ESR1: variants seen among roughly 807,000 people sequenced by gnomAD.
ESR1 encodes the protein estrogen receptor.
A neutral mutation model predicts 52.7 loss-of-function variants in ESR1; 12 were observed. The observed-to-expected ratio is 0.23, with a 90% CI of 0.15 to 0.37. ESR1 has a LOEUF of 0.37. Ranked by LOEUF, ESR1 falls within the 10% of genes least tolerant of loss-of-function variation. ESR1 has a pLI of 1.00. For missense variants in ESR1, 584 were observed against 779.7 expected, an observed-to-expected ratio of 0.75 and a Z score of 2.99; for synonymous variants, 305 against 316.8, an observed-to-expected ratio of 0.96 and a Z score of 0.39.
intron 2 of ESR1, among the ~76,000 whole-genome samples, chr6:151,798,929 A>G (rs1776964612): frequency 6.6e-6 from 1 of 152,218 alleles, no homozygotes; most frequent in African/African-American, 2.4e-5. Flanking sequence ...AAAACAAATT[A>G]TGTCTCTGAA....
At chr6:151,681,744 GC>G (rs923129967) in intron 1 of ESR1, among the ~76,000 whole-genome samples, 3 of 152,134 alleles carry the variant, frequency 2.0e-5, no homozygotes, top group African/African-American at 7.2e-5. Context: ...GGATCCGGTC[GC>G]TTTGTGGGTT....
chr6:151,861,080 G>T (rs1788798326), intron 2 of ESR1, among the ~76,000 whole-genome samples: 1 of 152,084 alleles, frequency 6.6e-6, no homozygotes, highest in African/African-American at 2.4e-5. Context: ...TATTTAGTTT[G>T]CACAGTATGG....
intron 2 of ESR1, among the ~76,000 whole-genome samples, chr6:151,786,151 A>G (rs570868059): frequency 8.8e-4 from 134 of 152,286 alleles, no homozygotes; most frequent in African/African-American, 3.0e-3. Flanking sequence ...CCTGACTTTG[A>G]CATAATTTTA....
intron 4 of ESR1, among the ~76,000 whole-genome samples, chr6:151,958,993 T>TGTGTGTGTGTGTGC (rs1437735036): frequency 5.9e-5 from 9 of 151,896 alleles, no homozygotes; most frequent in Admixed American, 3.3e-4. Flanking sequence ...TGTGTGTGTG[T>TGTGTGTGTGTGTGC]GCGTGTGTGT....
intron 4 of ESR1, among the ~76,000 whole-genome samples, chr6:152,005,621 T>C (rs1271619215): frequency 2.0e-5 from 3 of 152,072 alleles, no homozygotes; most frequent in African/African-American, 7.2e-5. Flanking sequence ...TACCATGGCT[T>C]TCTGGGACAT....
At chr6:151,910,430 T>G (rs534499836) in intron 3 of ESR1, among the ~76,000 whole-genome samples, 3 of 152,290 alleles carry the variant, frequency 2.0e-5, no homozygotes, top group South Asian at 4.1e-4. Context: ...TTTTGCTATA[T>G]ATTCAACCAT....
At chr6:152,082,769 A>G (rs566811127) in intron 6 of ESR1, among the ~76,000 whole-genome samples, 1 of 152,372 alleles carries the variant, frequency 6.6e-6, no homozygotes, top group South Asian at 2.1e-4. Context: ...GCAAAGTCTC[A>G]GGATACAAAA....
At chr6:151,914,002 T>G (rs962201164) in intron 3 of ESR1, among the ~76,000 whole-genome samples, 1 of 152,166 alleles carries the variant, frequency 6.6e-6, no homozygotes, top group Non-Finnish European at 1.5e-5. Context: ...TTGATGTGCT[T>G]TCTCCTTGCA....
chr6:152,009,725 T>C (rs1187396430), intron 4 of ESR1, among the ~76,000 whole-genome samples: 2 of 152,144 alleles, frequency 1.3e-5, no homozygotes, highest in Admixed American at 6.6e-5. Context: ...TATCCTACTC[T>C]TACGTATTTA....
chr6:152,112,606 AC>A (rs2051158063), intron 6 of ESR1, among the ~76,000 whole-genome samples: 1 of 152,236 alleles, frequency 6.6e-6, no homozygotes, highest in Non-Finnish European at 1.5e-5. Flanking sequence ...TCCTGGTGCC[AC>A]ACTGCCCATT....
Position 152,100,432 on chromosome 6 carries a change from C to G in ESR1, c.*1466C>G, listed in dbSNP as rs1253299162. 7.5e-6 allele frequency: 2 copies of G among 267,966 alleles called. No individual in the cohort carries two copies. The allele number at this position is 267,966 out of a possible 1,614,324, so 16.6% of individuals were successfully genotyped here. On this transcript the variant is annotated 3_prime_UTR_variant, in exon 8 of 8. Coordinates refer to ENST00000206249, the MANE Select transcript of ESR1 (RefSeq NM_000125.4). ...CTTCCTCCCCCGCCCCGTTCCCTACCGCCTCCACTCCTGCCAGCTCATTTC... is the reference window on the plus strand; with the variant it reads ...CTTCCTCCCCCGCCCCGTTCCCTACGGCCTCCACTCCTGCCAGCTCATTTC...
intron 3 of ESR1, among the ~76,000 whole-genome samples, chr6:151,904,450 T>C (rs1303321027): frequency 1.3e-5 from 2 of 152,196 alleles, no homozygotes; most frequent in Admixed American, 6.5e-5. Flanking sequence ...GATTATACTT[T>C]TATGTTTATT....
chr6:151,841,312 A>G (rs186151639), intron 1 of ESR1, among the ~76,000 whole-genome samples: 5 of 152,302 alleles, frequency 3.3e-5, no homozygotes, highest in South Asian at 2.1e-4. Flanking sequence ...TTCTCAAAGG[A>G]ATGCCTTCCC....
At chr6:152,011,857 A>T (rs2042788551) in intron 5 of ESR1, 63 bp downstream of exon 5, 2 of 1,564,632 alleles carry the variant, frequency 1.3e-6, no homozygotes, top group Non-Finnish European at 1.8e-6. Context: ...CATTCATGAA[A>T]CTATTTTATT....
chr6:151,709,929 T>TCTAAAAATTTC (rs1780466318), intron 2 of ESR1, among the ~76,000 whole-genome samples: 1 of 151,618 alleles, frequency 6.6e-6, no homozygotes, highest in South Asian at 2.1e-4. Flanking sequence ...TCTAAAATTT[T>TCTAAAAATTTC]CTTCTAAAAA....
rs950849425 is a variant in ESR1, at chr6:152,099,369, A to G, written c.*403A>G. On this transcript the variant is annotated 3_prime_UTR_variant, in exon 8 of 8. Coordinates refer to ENST00000206249, the MANE Select transcript of ESR1 (RefSeq NM_000125.4). ...AAGCACTTTTTAAATGGCTCTAAGA[A>G]TAAGCCACAGCAAAGAATTTAAAGT... The G allele has an allele frequency of 5.9e-6, 2 of 341,226 alleles. No homozygotes were observed. The highest frequency in any genetic ancestry group is 8.2e-4 in the Middle Eastern group (1 of 1,220). 21.1% of individuals were successfully genotyped at this position (341,226 alleles called of 1,614,324 possible). A position where few individuals can be genotyped will look rare whatever the true frequency, so the allele number is the denominator to read the frequency against.
chr6:151,897,390 TA>T (rs1409200102), intron 3 of ESR1, among the ~76,000 whole-genome samples: 2 of 152,184 alleles, frequency 1.3e-5, no homozygotes, highest in Admixed American at 6.5e-5. Context: ...TATTTAGGAT[TA>T]TGGTATTTTC....
At chr6:151,826,392 T>C (rs1294647848) in intron 1 of ESR1, among the ~76,000 whole-genome samples, 1 of 152,134 alleles carries the variant, frequency 6.6e-6, no homozygotes, top group Non-Finnish European at 1.5e-5. Flanking sequence ...CATGAGAGGA[T>C]AGTGTCTAGA....
At chr6:151,911,685 C>G (rs1008912395) in intron 3 of ESR1, among the ~76,000 whole-genome samples, 15 of 152,224 alleles carry the variant, frequency 9.9e-5, no homozygotes, top group Admixed American at 6.5e-4. Context: ...CTTGGAACCT[C>G]TTCCTTACTT....
Sources: allele counts gnomAD v4.1 joint callset (sites outside exome capture counted in the v4.1 genomes callset), GRCh38; gene constraint gnomAD v4.1.1; transcripts MANE v1.5; gene names NCBI Gene and HGNC (gene_info 2026-07-23, HGNC 2026-07-21).